Variants in DNAAF1 observed in about 807,000 individuals in gnomAD.
DNAAF1 encodes dynein axonemal assembly factor 1.
In DNAAF1, 65 loss-of-function variants were observed where a neutral mutation model predicts 71.1. That is an observed-to-expected ratio of 0.91 (90% CI 0.75 to 1.12). The LOEUF (loss-of-function observed/expected upper bound fraction) is 1.12. Among genes scored for constraint, DNAAF1 ranks in the 50% most tolerant of loss-of-function variants. The pLI is 0.00. For missense variants in DNAAF1, 1,178 were observed against 899.8 expected (o/e 1.31, Z -3.96); for synonymous variants, 414 against 354.6 (o/e 1.17, Z -1.88).
intron 8 of DNAAF1, 32 bp downstream of exon 8, chr16:84,170,388 A>G (rs764246997): frequency 2.5e-6 from 4 of 1,613,172 alleles, no homozygotes; most frequent in Non-Finnish European, 3.4e-6. Context: ...ACACAGACAC[A>G]CACACCTCTC....
chr16:84,154,495 A>G (rs1391008726), intron 3 of DNAAF1, 82 bp from the exon 4 acceptor site: 9 of 1,220,574 alleles, frequency 7.4e-6, no homozygotes, highest in Non-Finnish European at 1.1e-5. Context: ...TCAGTTCCTA[A>G]TAGTAGGCAA....
intron 3 of DNAAF1, among the ~76,000 whole-genome samples, chr16:84,151,643 C>G (rs2087186690): frequency 6.6e-6 from 1 of 152,208 alleles, no homozygotes; most frequent in African/African-American, 2.4e-5. Context: ...AACTTCAACT[C>G]ATGATCTCAC....
chr16:84,159,743 A>T lies in DNAAF1; in HGVS notation c.810A>T (p.Val270=). The change falls in exon 6 of 12, where the codon GTA becomes GTT. Residue 270 remains valine, a synonymous_variant. Transcript: ENST00000378553. ...QIPNYRRTVT[V]RLKHLTYLDD... Reference sequence around the variant, plus strand: ...CTAATTACAGAAGGACAGTCACTGTACGACTAAAGCACTTAACATACCTGG... The same window carrying T: ...CTAATTACAGAAGGACAGTCACTGTTCGACTAAAGCACTTAACATACCTGG... 1.2e-6 allele frequency: 2 copies of T among 1,614,098 alleles called. No homozygotes were observed. The highest frequency in any genetic ancestry group is 1.7e-6 in the Non-Finnish European group (2 of 1,179,962).
At chr16:84,173,478 G>C (rs2088486675) in intron 9 of DNAAF1, 1 of 984,340 alleles carries the variant, frequency 1.0e-6, no homozygotes, top group African/African-American at 1.8e-5. Context: ...AAGAAAAAAA[G>C]AGTTAAAGTG....
Position 84,147,131 on chromosome 16 carries a change from G to C in DNAAF1, c.124+1567G>C, listed in dbSNP as rs367729999. 9.3e-4 allele frequency among the ~76,000 whole-genome samples: 141 copies of C among 152,326 alleles called. 4 individuals carry two copies. The South Asian group carries it at 0.027, about 29-fold the overall frequency. On this transcript the variant is annotated intron_variant, in intron 1 of 11. Coordinates refer to ENST00000378553, the MANE Select transcript of DNAAF1 (RefSeq NM_178452.6). ...TGGAATAATTATACAGGAGTATAAGGAGAGAATTATAATTAAATGTCCCAG... is the reference window on the plus strand; with the variant it reads ...TGGAATAATTATACAGGAGTATAAGCAGAGAATTATAATTAAATGTCCCAG...
In DNAAF1 at chr16:84,169,219, A is replaced by C. The variant is rs567010351; in HGVS notation, c.1031-640A>C. On this transcript the variant is annotated intron_variant, in intron 7 of 11. Transcript: ENST00000378553. ...CTCTCTAGTAGCTGGGATTATAGGC[A>C]TGTGCCACCCCGCCCAGCTATTATT... is the stretch of plus-strand genomic sequence containing the variant. Among the ~76,000 whole-genome samples the C allele has an allele frequency of 2.7e-5, 4 of 149,826 alleles. No individual in the cohort carries two copies. In the South Asian group the frequency reaches 8.5e-4, roughly 32 times the overall value.
chr16:84,174,892 G>A (rs2088571145), intron 10 of DNAAF1, 170 bp downstream of exon 10: 1 of 848,164 alleles, frequency 1.2e-6, no homozygotes, highest in Admixed American at 2.1e-5. Flanking sequence ...GTCTGGCTCT[G>A]TCACCCAGGC....
At chr16:84,165,072 C>T (rs2087902918) in intron 6 of DNAAF1, among the ~76,000 whole-genome samples, 1 of 152,100 alleles carries the variant, frequency 6.6e-6, no homozygotes, top group Non-Finnish European at 1.5e-5. Context: ...GGTGAGGTAC[C>T]CTGATCATTT....
chr16:84,163,676 GC>G (rs1165717660), intron 6 of DNAAF1, among the ~76,000 whole-genome samples: 3 of 151,966 alleles, frequency 2.0e-5, no homozygotes, highest in Non-Finnish European at 4.4e-5. Flanking sequence ...ACCGCACCCA[GC>G]CCTGTCTTTT....
At chr16:84,147,130 G>T (rs928861901) in intron 1 of DNAAF1, among the ~76,000 whole-genome samples, 1 of 152,200 alleles carries the variant, frequency 6.6e-6, no homozygotes, top group Non-Finnish European at 1.5e-5. Context: ...AGGAGTATAA[G>T]GAGAGAATTA....
intron 11 of DNAAF1, chr16:84,177,501 G>C (rs1005389113): frequency 2.1e-6 from 1 of 468,398 alleles, no homozygotes; most frequent in African/African-American, 2.0e-5. Flanking sequence ...GCTAATCTTT[G>C]TATTTTTAGT....
intron 2 of DNAAF1, 125 bp from the exon 3 acceptor site, chr16:84,150,126 T>C (rs1029128564): frequency 2.9e-6 from 2 of 692,080 alleles, no homozygotes; most frequent in African/African-American, 3.7e-5. Flanking sequence ...GAACTTAAAA[T>C]AGGTATCAGG....
chr16:84,172,424 T>G, intron 9 of DNAAF1, 49 bp downstream of exon 9: 1 of 1,601,990 alleles, frequency 6.2e-7, no homozygotes, highest in South Asian at 1.1e-5. Context: ...TTACTGTTAG[T>G]AAAATAGGTA....
At chr16:84,147,183 A>T (rs1391128613) in intron 1 of DNAAF1, among the ~76,000 whole-genome samples, 2 of 152,252 alleles carry the variant, frequency 1.3e-5, no homozygotes, top group Non-Finnish European at 2.9e-5. Flanking sequence ...ATTAAATGGT[A>T]GCTCTTGTTA....
intron 11 of DNAAF1, chr16:84,176,571 C>T: frequency 1.8e-6 from 1 of 545,378 alleles, no homozygotes; most frequent in Non-Finnish European, 3.3e-6. Flanking sequence ...CACAATCCCC[C>T]TGTGGTCATG....
chr16:84,162,222 C>T (rs1345952107), intron 6 of DNAAF1: 1 of 152,096 alleles, frequency 6.6e-6, no homozygotes, highest in African/African-American at 2.4e-5. Context: ...TAAGGTAAGC[C>T]TCCTGTTTTT....
chr16:84,160,998 G>A (rs547573073), intron 6 of DNAAF1, among the ~76,000 whole-genome samples: 5 of 151,942 alleles, frequency 3.3e-5, no homozygotes, highest in Admixed American at 6.6e-5. Flanking sequence ...AGAAATTGAC[G>A]CAGCTCCCTG....
chr16:84,151,773 G>A (rs2087196672), intron 3 of DNAAF1, among the ~76,000 whole-genome samples: 2 of 152,164 alleles, frequency 1.3e-5, no homozygotes, highest in African/African-American at 4.8e-5. Flanking sequence ...CTTGACGAGG[G>A]CTAGAGAATC....
intron 9 of DNAAF1, chr16:84,173,491 C>G (rs7205835): frequency 0.34 from 329,787 of 980,580 alleles, 57,485 homozygotes; most frequent in Admixed American, 0.39. Flanking sequence ...TTAAAGTGAT[C>G]ACGGTCAGAA....
Sources: gnomAD v4.1 joint callset for allele counts (sites outside exome capture counted in the v4.1 genomes callset) on GRCh38, gnomAD v4.1.1 for gene constraint, MANE v1.5 for transcripts, NCBI Gene and HGNC (gene_info 2026-07-23, HGNC 2026-07-21) for gene names.